The following ANKRD26 variants were observed in gnomAD, a reference collection of about 807,000 sequenced individuals.
ANKRD26 encodes the protein ankyrin repeat domain 26, also known as ankyrin repeat domain-containing protein 26.
In ANKRD26, 141 loss-of-function variants were observed where a neutral mutation model predicts 208.7. The observed-to-expected ratio is 0.68, with a 90% CI of 0.59 to 0.78. The LOEUF (loss-of-function observed/expected upper bound fraction) is 0.78, where lower values mean the gene tolerates loss of function less well. Among genes scored for constraint, ANKRD26 ranks in the 30% least tolerant of loss-of-function variants. The pLI, the probability that ANKRD26 is intolerant of heterozygous loss-of-function variation, is 0.00. For synonymous variants in ANKRD26, 636 were observed against 660.4 expected, an observed-to-expected ratio of 0.96 and a Z score of 0.57; for missense variants, 1,889 against 1,938.7, an observed-to-expected ratio of 0.97 and a Z score of 0.48.
intron 28 of ANKRD26, 120 bp downstream of exon 28, chr10:27,024,327 G>T (rs553364795): frequency 1.1e-5 from 7 of 611,896 alleles, no homozygotes; most frequent in Admixed American, 9.5e-5. Flanking sequence ...TTTTAAAAGA[G>T]AATAATTTCA....
chr10:26,967,931 G>T, the ANKRD26 span, among the ~76,000 whole-genome samples: 14,416 of 152,136 alleles, frequency 0.095, 867 homozygotes, highest in Non-Finnish European at 0.14. Context: ...TCTCCAACTT[G>T]ATGTTTCTGC....
At chr10:27,031,854 A>C (rs1361468263) in intron 25 of ANKRD26, among the ~76,000 whole-genome samples, 2 of 152,230 alleles carry the variant, frequency 1.3e-5, no homozygotes, top group Non-Finnish European at 2.9e-5. Context: ...GGAAATGCCT[A>C]TTTCAAATAG....
At chr10:26,952,607 G>A in the ANKRD26 span, among the ~76,000 whole-genome samples, 7 of 152,132 alleles carry the variant, frequency 4.6e-5, no homozygotes, top group East Asian at 1.2e-3. Flanking sequence ...CACCAGCATA[G>A]GCGACAAAGC....
chr10:27,079,945 CAGG>C (rs1319756387), intron 6 of ANKRD26: 1 of 197,356 alleles, frequency 5.1e-6, no homozygotes, highest in African/African-American at 2.4e-5. Context: ...ATCACGAGGT[CAGG>C]AGTTCAAGGC....
At chr10:27,077,248 C>G (rs2055730920) in intron 9 of ANKRD26, 90 bp downstream of exon 9, 12 of 1,150,412 alleles carry the variant, frequency 1.0e-5, no homozygotes, top group Non-Finnish European at 1.6e-5. Flanking sequence ...GAAACAAAAA[C>G]TGTATGATCA....
chr10:26,970,165 T>C (rs2134582067), downstream of ANKRD26, among the ~76,000 whole-genome samples: 1 of 152,236 alleles, frequency 6.6e-6, no homozygotes, highest in African/African-American at 2.4e-5. Flanking sequence ...TAGATAATTG[T>C]AAAGTACATC....
At chr10:27,073,902 C>T (rs1002466579) in intron 9 of ANKRD26, among the ~76,000 whole-genome samples, 5 of 151,996 alleles carry the variant, frequency 3.3e-5, no homozygotes, top group Non-Finnish European at 7.4e-5. Flanking sequence ...TTCTCTGTAA[C>T]GAAGGAGCTC....
chr10:27,002,945 G>T (rs1306377410), downstream of ANKRD26, among the ~76,000 whole-genome samples: 1 of 152,066 alleles, frequency 6.6e-6, no homozygotes, highest in Non-Finnish European at 1.5e-5. Flanking sequence ...CCTAATATAT[G>T]TAGAGCTCAC....
chr10:27,050,286 T>C (rs1456006097), intron 16 of ANKRD26, among the ~76,000 whole-genome samples: 1 of 151,178 alleles, frequency 6.6e-6, no homozygotes, highest in Non-Finnish European at 1.5e-5. Flanking sequence ...TGCAGATTAT[T>C]GTTTATCTTT....
rs376448586 is a variant in ANKRD26, at chr10:27,100,219, C to G, written c.108G>C (p.Ser36=). The G allele has an allele frequency of 6.4e-5, 103 of 1,612,966 alleles. 1 individual carries two copies. The highest frequency in any genetic ancestry group is 8.2e-5 in the Non-Finnish European group (97 of 1,179,862). The change falls in exon 1 of 34, where the codon TCG becomes TCC. Residue 36 remains serine (S), a synonymous_variant. Transcript: ENST00000376087. Reference sequence around the variant, plus strand: ...GGTCTCGGACGTGGTAGCCGGGCTGCGAGTAGGCGCCCTCCCCCGGCTCGC... The same window carrying G: ...GGTCTCGGACGTGGTAGCCGGGCTGGGAGTAGGCGCCCTCCCCCGGCTCGC... ...GGGEPGEGAY[S]QPGYHVRDRD...
chr10:26,960,898 T>A, the ANKRD26 span, among the ~76,000 whole-genome samples: 1 of 152,104 alleles, frequency 6.6e-6, no homozygotes, highest in Non-Finnish European at 1.5e-5. Context: ...ATGACTTTCA[T>A]CCTCTTTGCT....
At chr10:26,957,486 G>A in the ANKRD26 span, among the ~76,000 whole-genome samples, 1 of 152,208 alleles carries the variant, frequency 6.6e-6, no homozygotes, top group Non-Finnish European at 1.5e-5. Flanking sequence ...TACAGTAGGA[G>A]TAAATCAAGA....
At chr10:26,996,360 GACC>G (rs2052592344) in intron 4 of ANKRD26, among the ~76,000 whole-genome samples, 1 of 152,174 alleles carries the variant, frequency 6.6e-6, no homozygotes, top group African/African-American at 2.4e-5. Context: ...AGGAGATCAA[GACC>G]ATCCTGGCCA....
At chr10:27,094,720 G>C (rs896467352) in intron 1 of ANKRD26, among the ~76,000 whole-genome samples, 1 of 152,212 alleles carries the variant, frequency 6.6e-6, no homozygotes, top group Non-Finnish European at 1.5e-5. Flanking sequence ...TCAGCGATAA[G>C]GCCAGGCATG....
At chr10:27,050,219 C>CAAAAAAAAAAAAAAAAAAAAAAAAAAA (rs67384671) in intron 16 of ANKRD26, among the ~76,000 whole-genome samples, 2 of 33,042 alleles carry the variant, frequency 6.1e-5, no homozygotes, top group East Asian at 1.2e-3. Context: ...GAATCTGTCT[C>CAAAAAAAAAAAAAAAAAAAAAAAAAAA]AAAAAAAAAA....
At chr10:27,020,397 A>G (rs1240122665) in intron 29 of ANKRD26, among the ~76,000 whole-genome samples, 7 of 151,946 alleles carry the variant, frequency 4.6e-5, no homozygotes, top group Admixed American at 2.0e-4. Context: ...CCTCCTAGCT[A>G]GCTCTAATTT....
chr10:27,007,540 C>T (rs1292168721), intron 32 of ANKRD26, among the ~76,000 whole-genome samples: 2 of 152,144 alleles, frequency 1.3e-5, no homozygotes, highest in Admixed American at 1.3e-4. Flanking sequence ...CCTCTAGTCC[C>T]AGCTACTTGG....
chr10:27,016,149 C>T (rs1410971436), intron 30 of ANKRD26, among the ~76,000 whole-genome samples: 2 of 152,094 alleles, frequency 1.3e-5, no homozygotes, highest in Non-Finnish European at 2.9e-5. Flanking sequence ...CCATGCCTGG[C>T]TAATTACTTT....
intron 23 of ANKRD26, 42 bp downstream of exon 23, chr10:27,037,144 T>C (rs759540732): frequency 1.9e-6 from 3 of 1,596,550 alleles, no homozygotes; most frequent in Middle Eastern, 1.7e-4. Flanking sequence ...TATAAATACA[T>C]ATACACACAT....
Sources: gnomAD v4.1 joint callset for allele counts (sites outside exome capture counted in the v4.1 genomes callset) on GRCh38, gnomAD v4.1.1 for gene constraint, MANE v1.5 for transcripts, NCBI Gene and HGNC (gene_info 2026-07-23, HGNC 2026-07-21) for gene names.